The following RIC1 variants were observed in gnomAD, a reference collection of about 807,000 sequenced individuals.
RIC1 encodes the protein RIC1 partner of RAB6A GEF complex, also known as guanine nucleotide exchange factor subunit RIC1.
A neutral mutation model predicts 169.0 loss-of-function variants in RIC1; 88 were observed. The observed-to-expected ratio is 0.52, with a 90% CI of 0.44 to 0.62. RIC1 has a LOEUF of 0.62. RIC1 is among the 20% of genes least tolerant of loss of function. RIC1 has a pLI of 0.00. For missense variants in RIC1, 1,877 were observed against 1,725.5 expected, an observed-to-expected ratio of 1.09 and a Z score of -1.56; for synonymous variants, 790 against 601.5, an observed-to-expected ratio of 1.31 and a Z score of -4.59.
intron 2 of RIC1, among the ~76,000 whole-genome samples, chr9:5,684,779 T>A (rs1285985923): frequency 6.6e-6 from 1 of 152,196 alleles, no homozygotes; most frequent in Non-Finnish European, 1.5e-5. Flanking sequence ...TCTTTTACCA[T>A]TAAGAATGAT....
chr9:5,732,631 T>G, intron 7 of RIC1, 152 bp downstream of exon 7: 1 of 484,534 alleles, frequency 2.1e-6, no homozygotes, highest in South Asian at 4.7e-5. Context: ...TGTAAAAGTA[T>G]TTTATTAGAT....
intron 6 of RIC1, among the ~76,000 whole-genome samples, chr9:5,728,399 G>A (rs1395112468): frequency 1.3e-5 from 2 of 152,228 alleles, no homozygotes; most frequent in African/African-American, 4.8e-5. Flanking sequence ...GAAAAGCGCA[G>A]TATTAGGGTG....
intron 2 of RIC1, among the ~76,000 whole-genome samples, chr9:5,673,224 C>T (rs776076420): frequency 2.6e-5 from 4 of 151,746 alleles, no homozygotes; most frequent in Non-Finnish European, 5.9e-5. Context: ...CTATGGAAGA[C>T]CATCCTATTG....
At chr9:5,764,733 C>A (rs1489232289) in intron 19 of RIC1, among the ~76,000 whole-genome samples, 1 of 152,088 alleles carries the variant, frequency 6.6e-6, no homozygotes, top group Non-Finnish European at 1.5e-5. Context: ...AAAATAGAAT[C>A]AAAATAAATG....
At chr9:5,747,913 GC>G (rs1234358961) in intron 12 of RIC1, among the ~76,000 whole-genome samples, 1 of 152,190 alleles carries the variant, frequency 6.6e-6, no homozygotes, top group Non-Finnish European at 1.5e-5. Context: ...GTCTTAAGGG[GC>G]CACGTTGAGG....
chr9:5,778,073 C>A (rs1586747771), downstream of RIC1, among the ~76,000 whole-genome samples: 1 of 152,094 alleles, frequency 6.6e-6, no homozygotes, highest in African/African-American at 2.4e-5. Flanking sequence ...ATTAAGCCTT[C>A]CAGTCCATGA....
At chr9:5,757,238 C>T (rs933116230) in intron 16 of RIC1, 75 bp from the exon 17 acceptor site, 10 of 1,488,656 alleles carry the variant, frequency 6.7e-6, no homozygotes, top group Admixed American at 3.4e-5. Context: ...AAATCTAATA[C>T]TATTACTAGT....
chr9:5,654,329 C>T (rs1818963982), intron 1 of RIC1, among the ~76,000 whole-genome samples: 1 of 152,156 alleles, frequency 6.6e-6, no homozygotes, highest in Non-Finnish European at 1.5e-5. Context: ...TCACTGCAGC[C>T]TCTGCCTCCC....
intron 2 of RIC1, among the ~76,000 whole-genome samples, chr9:5,685,986 G>C (rs201666328): frequency 2.2e-4 from 34 of 152,056 alleles, no homozygotes; most frequent in South Asian, 1.3e-3. Context: ...AGACACTTCT[G>C]AAAAGAAGAC....
chr9:5,680,795 A>G (rs1820774472), intron 2 of RIC1, among the ~76,000 whole-genome samples: 1 of 141,538 alleles, frequency 7.1e-6, no homozygotes, highest in South Asian at 2.3e-4. Context: ...TTTCCAGAAC[A>G]CCAGCTCCTG....
chr9:5,739,771 A>G (rs1296732463), intron 8 of RIC1, among the ~76,000 whole-genome samples: 1 of 151,822 alleles, frequency 6.6e-6, no homozygotes, highest in African/African-American at 2.4e-5. Context: ...TCTTCTGGCA[A>G]AAAAAAAGGT....
rs912536092 is a variant in RIC1, at chr9:5,775,977, T to G, written c.*1731T>G. ...AACTAAACTGAACTCTCTTCTCCTA[T>G]CCTAGTCCATTAAGGAGAAGAACCA... On this transcript the variant is annotated 3_prime_UTR_variant, in exon 26 of 26. Coordinates refer to ENST00000414202, the MANE Select transcript of RIC1 (RefSeq NM_020829.4). 1.3e-5 allele frequency: 2 copies of G among 152,166 alleles called. No individual in the cohort carries two copies. The highest frequency in any genetic ancestry group is 2.4e-5 in the African/African-American group (1 of 41,458). The allele number at this position is 152,166 out of a possible 1,614,324, so 9.4% of individuals were successfully genotyped here. A position where few individuals can be genotyped will look rare whatever the true frequency, so the allele number is the denominator to read the frequency against.
chr9:5,677,915 A>G (rs1820552107), intron 2 of RIC1, among the ~76,000 whole-genome samples: 1 of 151,910 alleles, frequency 6.6e-6, no homozygotes, highest in African/African-American at 2.4e-5. Context: ...TTTGTTACAT[A>G]TGTATACATG....
intron 13 of RIC1, 76 bp downstream of exon 13, chr9:5,753,314 C>T (rs1352357749): frequency 3.2e-6 from 4 of 1,262,986 alleles, no homozygotes; most frequent in Non-Finnish European, 4.6e-6. Context: ...AAGAGCCCTT[C>T]AGTGGGTGTA....
Position 5,769,035 on chromosome 9 carries a change from G to A in RIC1, c.3203G>A (p.Arg1068Gln), listed in dbSNP as rs1172120855. ...YIDMMLWRHA[R>Q]RLLEDVRLKD... ...GACATGATGCTCTGGAGACATGCTC[G>A]GCGCCTCTTAGAAGATGTGAGGTTA... Residue 1068 changes from arginine to glutamine, a missense_variant, in exon 22 of 26, where the codon CGG becomes CAG. Physicochemically the swap from Arg to Gln is conservative, Grantham distance 43. This residue lies in a region of RIC1 where 681 missense variants were observed against 582.0 expected (regional missense o/e 1.17). Coordinates refer to ENST00000414202, the MANE Select transcript of RIC1 (RefSeq NM_020829.4). The A allele has an allele frequency of 2.5e-5, 41 of 1,613,922 alleles. No individual in the cohort carries two copies. Among genetic ancestry groups the A allele is most frequent in the Non-Finnish European group, 3.2e-5 (38 of 1,179,972 alleles).
chr9:5,629,578 G>T, intron 1 of RIC1, 125 bp downstream of exon 1: 1 of 1,073,346 alleles, frequency 9.3e-7, no homozygotes, highest in Non-Finnish European at 1.2e-6. Flanking sequence ...TGCCTTCGCA[G>T]TCCGCGTCCT....
intron 3 of RIC1, among the ~76,000 whole-genome samples, chr9:5,703,451 C>G (rs1262161977): frequency 6.6e-6 from 1 of 152,174 alleles, no homozygotes; most frequent in Non-Finnish European, 1.5e-5. Context: ...CAGGCAGAAA[C>G]CATGGATTCA....
At chr9:5,681,586 G>C (rs1053152378) in intron 2 of RIC1, among the ~76,000 whole-genome samples, 1 of 152,214 alleles carries the variant, frequency 6.6e-6, no homozygotes, top group Non-Finnish European at 1.5e-5. Flanking sequence ...TTTGGAATAG[G>C]TGTGGTGTGT....
chr9:5,639,887 T>G (rs974749280), intron 1 of RIC1, among the ~76,000 whole-genome samples: 1 of 152,220 alleles, frequency 6.6e-6, no homozygotes, highest in African/African-American at 2.4e-5. Flanking sequence ...ATTTATATAA[T>G]TACTCCTGCT....
Sources: allele counts gnomAD v4.1 joint callset (sites outside exome capture counted in the v4.1 genomes callset), GRCh38; gene constraint gnomAD v4.1.1; regional missense constraint gnomAD v4.1.1; transcripts MANE v1.5; gene names NCBI Gene and HGNC (gene_info 2026-07-23, HGNC 2026-07-21).